PAX8: variants seen among roughly 807,000 people sequenced by gnomAD.
The protein encoded by PAX8 is paired box 8, also known as paired box protein Pax-8.
A neutral mutation model predicts 52.4 loss-of-function variants in PAX8; 15 were observed. That is an observed-to-expected ratio of 0.29 (90% CI 0.19 to 0.44). The LOEUF (loss-of-function observed/expected upper bound fraction) is 0.44, where lower values mean the gene tolerates loss of function less well. PAX8 is among the 20% of genes least tolerant of loss of function. PAX8 has a pLI of 1.00. For synonymous variants in PAX8, 284 were observed against 249.7 expected, an observed-to-expected ratio of 1.14 and a Z score of -1.29; for missense variants, 554 against 602.5, an observed-to-expected ratio of 0.92 and a Z score of 0.84.
intron 2 of PAX8, among the ~76,000 whole-genome samples, chr2:113,277,457 TG>T (rs1269024570): frequency 2.0e-5 from 3 of 152,224 alleles, no homozygotes; most frequent in Non-Finnish European, 4.4e-5. Context: ...GAATTCATTC[TG>T]AAATATTGAT....
At chr2:113,255,994 T>C (rs78955585) in intron 2 of PAX8, among the ~76,000 whole-genome samples, 1 of 135,310 alleles carries the variant, frequency 7.4e-6, no homozygotes, top group Non-Finnish European at 1.6e-5. Context: ...GCTCAATCAG[T>C]AAAAAAAAAA....
At chr2:113,223,891 G>A (rs1267050250) in intron 10 of PAX8, among the ~76,000 whole-genome samples, 1 of 152,172 alleles carries the variant, frequency 6.6e-6, no homozygotes, top group Non-Finnish European at 1.5e-5. Flanking sequence ...GTGAAAAAGT[G>A]GTAAATGGAT....
intron 9 of PAX8, among the ~76,000 whole-genome samples, chr2:113,235,183 C>G (rs546499046): frequency 2.6e-5 from 4 of 152,142 alleles, no homozygotes; most frequent in African/African-American, 9.7e-5. Context: ...GTGGTGCATC[C>G]CCGGCACCCC....
intron 9 of PAX8, among the ~76,000 whole-genome samples, chr2:113,231,220 A>G (rs1487704411): frequency 6.6e-6 from 1 of 152,190 alleles, no homozygotes; most frequent in East Asian, 1.9e-4. Flanking sequence ...GTACAAAAGG[A>G]TGGAGGAGGG....
In PAX8 at chr2:113,278,849, G is replaced by T; in HGVS notation, c.-94C>A. On this transcript the variant is annotated 5_prime_UTR_variant, in exon 1 of 12. Transcript: ENST00000429538. ...GACATACCTGGCCGGCCGGCTGCAG[G>T]CCCTCACTGCTTGGGTCCGCCCGCG... The T allele has an allele frequency of 9.4e-7, 1 of 1,068,020 alleles. No individual in the cohort carries two copies. The highest frequency in any genetic ancestry group is 1.1e-6 in the Non-Finnish European group (1 of 880,008). The allele number at this position is 1,068,020 out of a possible 1,614,324, so 66.2% of individuals were successfully genotyped here.
rs1689028890 is a variant in PAX8 at position 113,216,363 on chromosome 2, G to GT, written c.*2169dup. ...ACCGCTCTTTGGGAGGCCTAAGGAG[G>GT]TAAGAGCCCTCTCTCCCAGCCTCTG... On this transcript the variant is annotated 3_prime_UTR_variant, in exon 12 of 12. Coordinates refer to ENST00000429538, the MANE Select transcript of PAX8 (RefSeq NM_003466.4). 1 of 231,962 alleles carries GT rather than the reference G, an allele frequency of 4.3e-6. No individual in the cohort carries two copies. The highest frequency in any genetic ancestry group is 8.5e-6 in the Non-Finnish European group (1 of 117,336). The allele number at this position is 231,962 out of a possible 1,614,324, so 14.4% of individuals were successfully genotyped here.
rs574160478 is a variant in PAX8 at position 113,232,620 on chromosome 2, T to C, written c.1087+2774A>G. On this transcript the variant is annotated intron_variant, in intron 9 of 11. Coordinates refer to ENST00000429538, the MANE Select transcript of PAX8 (RefSeq NM_003466.4). ...GCAGTTGGCCTGGAGAGTGGGCATG[T>C]CCACTAAATTAACAGCTGACAGTAG... Among the ~76,000 whole-genome samples, 163 of 152,234 alleles carry C rather than the reference T, an allele frequency of 1.1e-3. 1 individual carries two copies. The highest frequency in any genetic ancestry group is 2.0e-3 in the Non-Finnish European group (135 of 68,004).
chr2:113,225,981 C>T, intron 10 of PAX8: 1 of 985,364 alleles, frequency 1.0e-6, no homozygotes, highest in Admixed American at 6.1e-5. Flanking sequence ...CCAGGAGGGA[C>T]AGAGGAGTCA....
In PAX8 at chr2:113,245,996, G is replaced by C. The variant is rs967835363; in HGVS notation, c.191+758C>G. Among the ~76,000 whole-genome samples the C allele has an allele frequency of 2.0e-5, 3 of 152,238 alleles. No individual in the cohort carries two copies. In the East Asian group the frequency reaches 5.8e-4, roughly 29 times the overall value. On this transcript the variant is annotated intron_variant, in intron 3 of 11. Transcript: ENST00000429538. ...AGAGCTGACTGGAAGCTGTGGCACA[G>C]AGGCATTTTTAATGGAAGTGGCTTT...
intron 2 of PAX8, chr2:113,255,312 G>C (rs1352632663): frequency 9.1e-6 from 1 of 109,412 alleles, no homozygotes; most frequent in Non-Finnish European, 1.9e-5. Context: ...GGAGGAGGGA[G>C]GGGAGGAGGG....
intron 10 of PAX8, among the ~76,000 whole-genome samples, chr2:113,224,204 T>C (rs1175785035): frequency 6.6e-6 from 1 of 151,606 alleles, no homozygotes; most frequent in Non-Finnish European, 1.5e-5. Flanking sequence ...GAAAGATGGA[T>C]GGATGGAAAG....
rs532394079 is a variant in PAX8, at chr2:113,218,767, A to G, written c.1277-158T>C. On this transcript the variant is annotated intron_variant, in intron 11 of 11. Transcript: ENST00000429538. ...CGAAGATTAACTCCTCTCCAGCCCT[A>G]TTTCCTCCTTCTCTGGCCTCACCTT... Among the ~76,000 whole-genome samples, 4 of 152,256 alleles carry G rather than the reference A, an allele frequency of 2.6e-5. No individual in the cohort carries two copies. In the South Asian group the frequency reaches 8.3e-4, roughly 32 times the overall value.
intron 4 of PAX8, among the ~76,000 whole-genome samples, chr2:113,243,728 G>A (rs1319246450): frequency 6.6e-6 from 1 of 152,086 alleles, no homozygotes; most frequent in Non-Finnish European, 1.5e-5. Flanking sequence ...TTAGCCACAG[G>A]GCCTTTGCAT....
Position 113,246,732 on chromosome 2 carries a change from CTGCGGTGAAT to C in PAX8, c.191+12_191+21del. ...AGTCAAGCCCTGCGGGGAAGGCGGC[CTGCGGTGAAT>C]TTCGTGCTTACCTGCCAAGGATCTT... is the stretch of plus-strand genomic sequence containing the variant. On this transcript the variant is annotated intron_variant, in intron 3 of 11. Transcript: ENST00000429538. 6.2e-7 allele frequency: 1 copy of C among 1,609,018 alleles called. No individual in the cohort carries two copies. Among genetic ancestry groups the C allele is most frequent in the Non-Finnish European group, 8.5e-7 (1 of 1,176,792 alleles).
In PAX8 at chr2:113,242,678, C is replaced by G; in HGVS notation, c.478+12G>C. 3.1e-6 allele frequency: 5 copies of G among 1,597,124 alleles called. No homozygotes were observed. The highest frequency in any genetic ancestry group is 4.3e-6 in the Non-Finnish European group (5 of 1,164,564). ...CGAGCATGTGTGTGTATCCAGGTCT[C>G]TCAGCACTCACTCAGCGTGTGTCCG... On this transcript the variant is annotated intron_variant, in intron 5 of 11. Coordinates refer to ENST00000429538, the MANE Select transcript of PAX8 (RefSeq NM_003466.4).
At chr2:113,228,492 T>C (rs1558690489) in intron 9 of PAX8, among the ~76,000 whole-genome samples, 1 of 152,228 alleles carries the variant, frequency 6.6e-6, no homozygotes, top group Admixed American at 6.5e-5. Context: ...CTGTGCATTG[T>C]AGGATGTTTA....
At chr2:113,277,035 C>T (rs1273807589) in intron 2 of PAX8, among the ~76,000 whole-genome samples, 3 of 152,210 alleles carry the variant, frequency 2.0e-5, no homozygotes, top group Non-Finnish European at 4.4e-5. Context: ...GGTTCCAGGA[C>T]GCGGACCGTA....
chr2:113,226,400 T>TA, intron 10 of PAX8: 2 of 986,068 alleles, frequency 2.0e-6, no homozygotes, highest in Non-Finnish European at 2.4e-6. Flanking sequence ...ACATGGCTCC[T>TA]AAAAAATTGA....
At chr2:113,228,603 G>A (rs944756614) in intron 9 of PAX8, among the ~76,000 whole-genome samples, 1 of 152,232 alleles carries the variant, frequency 6.6e-6, no homozygotes, top group African/African-American at 2.4e-5. Flanking sequence ...TCAGCAGGAG[G>A]TAGTAAGGGC....
Sources: allele counts gnomAD v4.1 joint callset (sites outside exome capture counted in the v4.1 genomes callset), GRCh38; gene constraint gnomAD v4.1.1; transcripts MANE v1.5; gene names NCBI Gene and HGNC (gene_info 2026-07-23, HGNC 2026-07-21).